PPP2R3C: variants seen among roughly 807,000 people sequenced by gnomAD.
PPP2R3C encodes serine/threonine-protein phosphatase 2A regulatory subunit B'' subunit gamma.
In PPP2R3C, 47 loss-of-function variants were observed where a neutral mutation model predicts 63.7. That is an observed-to-expected ratio of 0.74 (90% confidence interval 0.58 to 0.94). The LOEUF (loss-of-function observed/expected upper bound fraction) is 0.94, where lower values mean the gene tolerates loss of function less well. Ranked by LOEUF, PPP2R3C falls within the 40% of genes least tolerant of loss-of-function variation. The pLI, the probability that PPP2R3C is intolerant of heterozygous loss-of-function variation, is 0.00. For missense variants in PPP2R3C, 421 were observed against 518.4 expected (o/e 0.81, Z 1.82); for synonymous variants, 180 against 177.4 (o/e 1.01, Z -0.12).
chr14:35,095,014 CT>C (rs762721734), intron 10 of PPP2R3C, 33 bp downstream of exon 10: 4 of 1,576,902 alleles, frequency 2.5e-6, no homozygotes, highest in Non-Finnish European at 3.5e-6. Flanking sequence ...GGAGCCTAAA[CT>C]TTTAAAACTT....
chr14:35,087,928 C>T (rs573344971), intron 12 of PPP2R3C, 23 bp downstream of exon 12: 16 of 1,546,002 alleles, frequency 1.0e-5, no homozygotes, highest in Admixed American at 3.3e-5. Flanking sequence ...TCTGGTAATA[C>T]GTAAATTAAA....
intron 10 of PPP2R3C, among the ~76,000 whole-genome samples, chr14:35,094,603 A>G (rs1170702719): frequency 6.6e-6 from 1 of 150,460 alleles, no homozygotes. Context: ...CGTTAAGACC[A>G]AAGACTCTGA....
At chr14:35,109,616 C>A (rs1179330987) in intron 4 of PPP2R3C, among the ~76,000 whole-genome samples, 1 of 151,802 alleles carries the variant, frequency 6.6e-6, no homozygotes. Context: ...TGTACGCCCC[C>A]ACACCCAGAT....
intron 2 of PPP2R3C, among the ~76,000 whole-genome samples, chr14:35,115,070 G>C (rs2046669644): frequency 6.6e-6 from 1 of 151,710 alleles, no homozygotes; most frequent in Admixed American, 6.6e-5. Context: ...CTGAGCTTAA[G>C]AGATTCTCCC....
intron 10 of PPP2R3C, among the ~76,000 whole-genome samples, chr14:35,094,684 C>T (rs911934349): frequency 6.6e-5 from 10 of 151,602 alleles, no homozygotes; most frequent in Non-Finnish European, 1.2e-4. Context: ...AATGCTGGGC[C>T]GAGTGTGGTG....
chr14:35,095,098 C>T lies in PPP2R3C; in HGVS notation c.925G>A (p.Val309Ile). Residue 309 changes from valine to isoleucine, a missense_variant, in exon 10 of 13, where the codon GTC becomes ATC. Around this residue, in one of 3 missense-constraint regions of PPP2R3C, gnomAD observed 231 missense variants for 264.8 expected, o/e 0.87. Coordinates refer to ENST00000261475, the MANE Select transcript of PPP2R3C (RefSeq NM_017917.4). ...TCCTGGAAAACACGGTCTAAGAAGA[C>T]ATTGGTCATGGTAGCTGTTCCATAG... is the stretch of plus-strand genomic sequence containing the variant. Reference protein sequence around the residue: ...SRYGTATMTNVFLDRVFQECL... With the variant: ...SRYGTATMTNIFLDRVFQECL... 1.2e-6 allele frequency: 2 copies of T among 1,608,464 alleles called. No individual in the cohort carries two copies. The highest frequency in any genetic ancestry group is 1.7e-6 in the Non-Finnish European group (2 of 1,174,852).
At chr14:35,099,128 C>A in intron 7 of PPP2R3C, 124 bp downstream of exon 7, 1 of 1,271,984 alleles carries the variant, frequency 7.9e-7, no homozygotes, top group Non-Finnish European at 1.0e-6. Context: ...CCTTGAAATT[C>A]ACCAAATTTT....
intron 6 of PPP2R3C, among the ~76,000 whole-genome samples, chr14:35,105,591 TA>T (rs1192836163): frequency 1.3e-5 from 2 of 151,030 alleles, no homozygotes; most frequent in Non-Finnish European, 3.0e-5. Context: ...TTAAAAAAAA[TA>T]AAAATAAAAA....
At chr14:35,119,849 C>CTTCTT (rs2046812899) in intron 1 of PPP2R3C, among the ~76,000 whole-genome samples, 1 of 117,016 alleles carries the variant, frequency 8.5e-6, no homozygotes, top group Non-Finnish European at 1.7e-5. Flanking sequence ...GACAGTTCAT[C>CTTCTT]TTTTTTTTTT....
intron 9 of PPP2R3C, 63 bp from the exon 10 acceptor site, chr14:35,095,247 C>A: frequency 2.0e-6 from 3 of 1,532,622 alleles, no homozygotes; most frequent in South Asian, 1.2e-5. Context: ...GAAGAATAGA[C>A]TAACAAAAAG....
At chr14:35,105,647 T>G (rs892588832) in intron 6 of PPP2R3C, among the ~76,000 whole-genome samples, 1 of 151,656 alleles carries the variant, frequency 6.6e-6, no homozygotes, top group Non-Finnish European at 1.5e-5. Flanking sequence ...ACAAAAACTA[T>G]ATGGAATCAA....
rs757882428 is a variant in PPP2R3C, at chr14:35,096,771, G to T, written c.707-7C>A. The T allele has an allele frequency of 1.2e-5, 18 of 1,560,428 alleles. No individual in the cohort carries two copies. The highest frequency in any genetic ancestry group is 2.1e-5 in the Admixed American group (1 of 48,018). Reference sequence around the variant, plus strand: ...TCTTGAATTTTTATCTTTCCTTTAAGAACATAAAGAAACACAATTAATTTC... The same window carrying T: ...TCTTGAATTTTTATCTTTCCTTTAATAACATAAAGAAACACAATTAATTTC... On this transcript the variant is annotated splice_polypyrimidine_tract_variant and splice_region_variant and intron_variant, in intron 7 of 12. Coordinates refer to ENST00000261475, the MANE Select transcript of PPP2R3C (RefSeq NM_017917.4).
intron 7 of PPP2R3C, 114 bp downstream of exon 7, chr14:35,099,138 T>G (rs1306146005): frequency 7.6e-7 from 1 of 1,314,064 alleles, no homozygotes; most frequent in African/African-American, 1.5e-5. Flanking sequence ...CACCAAATTT[T>G]TAATGGCAGT....
At chr14:35,090,392 G>C (rs1246966807) in intron 11 of PPP2R3C, among the ~76,000 whole-genome samples, 1 of 151,632 alleles carries the variant, frequency 6.6e-6, no homozygotes, top group Admixed American at 6.6e-5. Flanking sequence ...CAGGCATGTG[G>C]ACCCAGTTAT....
At chr14:35,106,008 A>G (rs961953684) in intron 6 of PPP2R3C, among the ~76,000 whole-genome samples, 1 of 151,138 alleles carries the variant, frequency 6.6e-6, no homozygotes, top group Non-Finnish European at 1.5e-5. Flanking sequence ...ACGCCCGGCT[A>G]ATTTTTTTTT....
At chr14:35,091,791 G>A (rs2045827402) in intron 10 of PPP2R3C, among the ~76,000 whole-genome samples, 1 of 152,214 alleles carries the variant, frequency 6.6e-6, no homozygotes, top group South Asian at 2.1e-4. Flanking sequence ...TGCAATCTCA[G>A]CTCACTGAAA....
intron 10 of PPP2R3C, 99 bp downstream of exon 10, chr14:35,094,945 CTCTG>C: frequency 7.8e-7 from 1 of 1,285,218 alleles, no homozygotes; most frequent in Middle Eastern, 2.0e-4. Flanking sequence ...CAGAGCAAGA[CTCTG>C]TCTCAAAAAA....
At chr14:35,117,488 TA>T (rs1415218623) in intron 1 of PPP2R3C, among the ~76,000 whole-genome samples, 2 of 152,200 alleles carry the variant, frequency 1.3e-5, no homozygotes, top group Non-Finnish European at 2.9e-5. Context: ...TCTGAAATCT[TA>T]AGCTCAAATA....
rs753239141 is a variant in PPP2R3C, at chr14:35,095,086, G to A, written c.937C>T (p.Arg313Cys). ...TATMTNVFLD[R>C]VFQECLTYDG... ...TAAGTGAGACACTCCTGGAAAACAC[G>A]GTCTAAGAAGACATTGGTCATGGTA... Residue 313 changes from arginine to cysteine, a missense_variant, in exon 10 of 13, where the codon CGT (arginine) becomes TGT (cysteine). Arg to Cys is a radical substitution (Grantham distance 180). Around this residue, in one of 3 missense-constraint regions of PPP2R3C, gnomAD observed 231 missense variants for 264.8 expected, o/e 0.87. Transcript: ENST00000261475. 2.5e-6 allele frequency: 4 copies of A among 1,607,086 alleles called. No individual in the cohort carries two copies. The highest frequency in any genetic ancestry group is 2.2e-5 in the East Asian group (1 of 44,868).
Sources: gnomAD v4.1 joint callset for allele counts (sites outside exome capture counted in the v4.1 genomes callset) on GRCh38, gnomAD v4.1.1 for gene constraint, gnomAD v4.1.1 regional missense constraint, MANE v1.5 for transcripts, NCBI Gene and HGNC (gene_info 2026-07-23, HGNC 2026-07-21) for gene names.